The following RGS6 variants were observed in gnomAD, a reference collection of about 807,000 sequenced individuals.
The protein encoded by RGS6 is regulator of G protein signaling 6.
In RGS6, 30 loss-of-function variants were observed where a neutral mutation model predicts 78.5. The observed-to-expected ratio is 0.38, with a 90% CI of 0.29 to 0.52. The LOEUF is 0.52. Ranked by LOEUF, RGS6 falls within the 20% of genes least tolerant of loss-of-function variation. RGS6 has a pLI of 0.85. For missense variants in RGS6, 495 were observed against 609.7 expected (o/e 0.81, Z 1.98); for synonymous variants, 206 against 206.0 (o/e 1.00, Z 0.00).
chr14:72,097,278 TCTCC>T (rs1231733367), intron 2 of RGS6, among the ~76,000 whole-genome samples: 2 of 152,238 alleles, frequency 1.3e-5, no homozygotes, highest in East Asian at 3.8e-4. Flanking sequence ...TGTGTGGCCA[TCTCC>T]TCTTGTGTTA....
rs74928871 is a variant in RGS6 at position 72,279,596 on chromosome 14, G to A, written c.85-72499G>A. Among the ~76,000 whole-genome samples, 3 of 152,298 alleles carry A rather than the reference G, an allele frequency of 2.0e-5. No homozygotes were observed. The East Asian group carries it at 5.8e-4, about 29-fold the overall frequency. ...ACCACAGACTCTAAGGAGAAATTAT[G>A]TCCAGGGTTGGGAGAAGAGAGCCAT... On this transcript the variant is annotated intron_variant, in intron 2 of 17. Coordinates refer to ENST00000553525, the MANE Select transcript of RGS6 (RefSeq NM_001204424.2).
Position 72,098,885 on chromosome 14 carries a change from C to A in RGS6, c.84+134010C>A, listed in dbSNP as rs77909800. On this transcript the variant is annotated intron_variant, in intron 2 of 17. Coordinates refer to ENST00000553525, the MANE Select transcript of RGS6 (RefSeq NM_001204424.2). ...GCTGTACTGCTAAGTGCGTAGAGCC[C>A]TAGTACCCACAGGGCACACACAAAC... Among the ~76,000 whole-genome samples the A allele has an allele frequency of 4.4e-3, 669 of 152,260 alleles. 5 individuals are homozygous for A. Among genetic ancestry groups the A allele is most frequent in the African/African-American group, 0.015 (623 of 41,546 alleles).
intron 2 of RGS6, among the ~76,000 whole-genome samples, chr14:72,240,027 T>G (rs917210145): frequency 6.6e-6 from 1 of 151,632 alleles, no homozygotes; most frequent in African/African-American, 2.4e-5. Flanking sequence ...AACATGAATC[T>G]ACACACACAC....
At chr14:72,384,326 T>A (rs2087171346) in intron 3 of RGS6, among the ~76,000 whole-genome samples, 2 of 152,260 alleles carry the variant, frequency 1.3e-5, no homozygotes, top group South Asian at 2.1e-4. Context: ...CAAGACACAC[T>A]CTTTTTGTTT....
At position 72,209,414 on chromosome 14, in the gene RGS6, T is replaced by C. The variant is rs528384278; in HGVS notation, c.85-142681T>C. Among the ~76,000 whole-genome samples, 3 of 152,330 alleles carry C rather than the reference T, an allele frequency of 2.0e-5. No homozygotes were observed. The East Asian group carries it at 5.8e-4, about 29-fold the overall frequency. On this transcript the variant is annotated intron_variant, in intron 2 of 17. Coordinates refer to ENST00000553525, the MANE Select transcript of RGS6 (RefSeq NM_001204424.2). Reference sequence around the variant, plus strand: ...TATAAATTTTTCTTTCTATTTCTTCTACTTCTTCTTAGCATTGAAGTGAGC... The same window carrying C: ...TATAAATTTTTCTTTCTATTTCTTCCACTTCTTCTTAGCATTGAAGTGAGC...
At chr14:72,567,221 C>T (rs2097714382), downstream of RGS6, among the ~76,000 whole-genome samples, 1 of 152,146 alleles carries the variant, frequency 6.6e-6, no homozygotes, top group Non-Finnish European at 1.5e-5. Flanking sequence ...TCTTTCAATC[C>T]CTGGGCCACC....
chr14:72,189,117 C>T (rs1458288060), intron 2 of RGS6, among the ~76,000 whole-genome samples: 1 of 152,132 alleles, frequency 6.6e-6, no homozygotes, highest in Non-Finnish European at 1.5e-5. Flanking sequence ...TCCATTGCAG[C>T]CACTCAACTC....
chr14:72,050,236 G>A (rs74063032), intron 2 of RGS6, among the ~76,000 whole-genome samples: 2,045 of 152,154 alleles, frequency 0.013, 49 homozygotes, highest in African/African-American at 0.046. Flanking sequence ...TGGTGACAAC[G>A]GACTATATCT....
At chr14:72,133,926 C>T (rs1188642580) in intron 2 of RGS6, among the ~76,000 whole-genome samples, 5 of 152,162 alleles carry the variant, frequency 3.3e-5, no homozygotes, top group Non-Finnish European at 1.5e-5. Flanking sequence ...GTCTAGACTT[C>T]ATTGACATGG....
At chr14:71,950,609 C>G (rs2332700) in intron 1 of RGS6, among the ~76,000 whole-genome samples, 115,703 of 152,032 alleles carry the variant, frequency 0.76, 44,132 homozygotes, top group South Asian at 0.82. Context: ...GCAAAAGAAA[C>G]TATCATCAGA....
chr14:72,311,905 C>T (rs2068712987), intron 2 of RGS6, among the ~76,000 whole-genome samples: 1 of 152,226 alleles, frequency 6.6e-6, no homozygotes, highest in Admixed American at 6.5e-5. Flanking sequence ...TCCCAGTTCT[C>T]TTGCTAAATC....
At chr14:72,614,792 G>GTTACAATC in the RGS6 span, among the ~76,000 whole-genome samples, 2 of 44,204 alleles carry the variant, frequency 4.5e-5, no homozygotes, top group Non-Finnish European at 8.3e-5. Flanking sequence ...AAAAAAAAGA[G>GTTACAATC]TTACAATCAC....
At chr14:71,913,768 T>C in the RGS6 span, among the ~76,000 whole-genome samples, 6 of 152,376 alleles carry the variant, frequency 3.9e-5, no homozygotes, top group South Asian at 4.1e-4. Context: ...ATTTGGAGTC[T>C]AATTGGATAC....
At chr14:72,380,765 T>G (rs1056063395) in intron 3 of RGS6, among the ~76,000 whole-genome samples, 2 of 152,090 alleles carry the variant, frequency 1.3e-5, no homozygotes, top group Non-Finnish European at 2.9e-5. Context: ...GTATGGAGGT[T>G]CCTCAAAACA....
At chr14:72,417,968 G>A (rs894730559) in intron 3 of RGS6, among the ~76,000 whole-genome samples, 15 of 151,978 alleles carry the variant, frequency 9.9e-5, no homozygotes, top group Non-Finnish European at 1.8e-4. Context: ...CATAGCTTGG[G>A]GGCGATCTGA....
intron 3 of RGS6, among the ~76,000 whole-genome samples, chr14:72,416,700 A>T (rs2093836323): frequency 6.6e-6 from 1 of 152,176 alleles, no homozygotes; most frequent in Non-Finnish European, 1.5e-5. Flanking sequence ...CAAGGAAATG[A>T]TCCTCTGAAG....
chr14:72,275,227 T>C (rs1049473333), intron 2 of RGS6, among the ~76,000 whole-genome samples: 1 of 152,250 alleles, frequency 6.6e-6, no homozygotes, highest in Non-Finnish European at 1.5e-5. Flanking sequence ...TGAACACATA[T>C]TAATTTTGTG....
intron 3 of RGS6, among the ~76,000 whole-genome samples, chr14:72,447,766 G>T (rs371819941): frequency 6.6e-6 from 1 of 152,126 alleles, no homozygotes; most frequent in South Asian, 2.1e-4. Context: ...GCAGTGGCAC[G>T]ATCTCGGCTC....
chr14:72,534,775 C>A (rs1382036687), intron 15 of RGS6, among the ~76,000 whole-genome samples: 1 of 152,116 alleles, frequency 6.6e-6, no homozygotes, highest in Non-Finnish European at 1.5e-5. Context: ...TCCTTCGATC[C>A]CTTCCCTGGA....
Sources: allele counts gnomAD v4.1 joint callset (sites outside exome capture counted in the v4.1 genomes callset), GRCh38; gene constraint gnomAD v4.1.1; transcripts MANE v1.5; gene names NCBI Gene and HGNC (gene_info 2026-07-23, HGNC 2026-07-21).